TCERG1L: variants seen among roughly 807,000 people sequenced by gnomAD.
TCERG1L encodes the protein transcription elongation regulator 1-like protein.
TCERG1L carries 37 observed loss-of-function variants against 56.3 expected under a neutral mutation model. The ratio of observed to expected loss-of-function variants is 0.66; its 90% CI spans 0.51 to 0.87. TCERG1L has a LOEUF of 0.87. Ranked by LOEUF, TCERG1L falls within the 40% of genes least tolerant of loss-of-function variation. The probability of loss-of-function intolerance (pLI) is 0.00; values close to 1 mark genes in which losing one functional copy is unlikely to be tolerated. For missense variants in TCERG1L, 799 were observed against 774.2 expected, an observed-to-expected ratio of 1.03 and a Z score of -0.38; for synonymous variants, 324 against 326.3, an observed-to-expected ratio of 0.99 and a Z score of 0.08.
At chr10:131,175,851 A>C (rs1334104507) in intron 4 of TCERG1L, among the ~76,000 whole-genome samples, 1 of 152,192 alleles carries the variant, frequency 6.6e-6, no homozygotes, top group Admixed American at 6.5e-5. Context: ...AGAAACGAAG[A>C]CAGGGATTGA....
At chr10:131,228,071 T>A (rs2133505982) in intron 4 of TCERG1L, among the ~76,000 whole-genome samples, 1 of 151,974 alleles carries the variant, frequency 6.6e-6, no homozygotes, top group African/African-American at 2.4e-5. Flanking sequence ...CAGGGCTATG[T>A]TTCTGGACCT....
chr10:131,097,549 G>A (rs576197491), intron 11 of TCERG1L, among the ~76,000 whole-genome samples: 18 of 152,130 alleles, frequency 1.2e-4, no homozygotes, highest in South Asian at 4.2e-4. Context: ...GGGTTTCACC[G>A]TGTTAGCCAG....
At chr10:131,214,308 C>A (rs1049167736) in intron 4 of TCERG1L, among the ~76,000 whole-genome samples, 8 of 151,444 alleles carry the variant, frequency 5.3e-5, no homozygotes, top group Non-Finnish European at 1.0e-4. Context: ...CCCAGGGAGT[C>A]TGGATGGGCC....
At chr10:131,227,364 G>A (rs552641995) in intron 4 of TCERG1L, among the ~76,000 whole-genome samples, 3 of 152,348 alleles carry the variant, frequency 2.0e-5, no homozygotes, top group East Asian at 1.9e-4. Flanking sequence ...GGGTGGACAC[G>A]CGGTGTGGGC....
At chr10:131,289,130 T>C (rs1331613969) in intron 3 of TCERG1L, among the ~76,000 whole-genome samples, 2 of 145,080 alleles carry the variant, frequency 1.4e-5, no homozygotes, top group Non-Finnish European at 3.0e-5. Context: ...TGCTTCGCTA[T>C]AGTAAAAGTC....
At chr10:131,256,992 G>GGAAGGAAGGAAAGAAAAGAAAGAAAGAAA (rs1846173015) in intron 4 of TCERG1L, among the ~76,000 whole-genome samples, 1 of 59,170 alleles carries the variant, frequency 1.7e-5, no homozygotes, top group African/African-American at 5.5e-5. Context: ...AAGGAAGGAA[G>GGAAGGAAGGAAAGAAAAGAAAGAAAGAAA]GAAAGAAAGA....
At chr10:131,123,148 CTGA>C (rs1336423941) in intron 8 of TCERG1L, among the ~76,000 whole-genome samples, 8 of 152,194 alleles carry the variant, frequency 5.3e-5, no homozygotes, top group South Asian at 2.1e-4. Flanking sequence ...CACGCGGCTG[CTGA>C]TGTCTGCAGC....
At chr10:131,285,061 T>C (rs569511302) in intron 3 of TCERG1L, among the ~76,000 whole-genome samples, 24 of 152,166 alleles carry the variant, frequency 1.6e-4, no homozygotes, top group Non-Finnish European at 3.2e-4. Flanking sequence ...GCTTTCACAC[T>C]AAAGCCAGGT....
At chr10:131,291,527 T>C (rs936957718) in intron 3 of TCERG1L, among the ~76,000 whole-genome samples, 19 of 145,076 alleles carry the variant, frequency 1.3e-4, no homozygotes, top group East Asian at 1.1e-3. Context: ...CCCAGGTTCA[T>C]GCCATTCTCC....
At chr10:131,157,095 T>A (rs1220999773) in intron 6 of TCERG1L, among the ~76,000 whole-genome samples, 5 of 152,206 alleles carry the variant, frequency 3.3e-5, no homozygotes, top group African/African-American at 1.2e-4. Flanking sequence ...CTCATTTTGA[T>A]AATCCGCCCC....
At chr10:131,104,136 C>T (rs948354025) in intron 10 of TCERG1L, 129 bp downstream of exon 10, 11 of 623,854 alleles carry the variant, frequency 1.8e-5, no homozygotes, top group African/African-American at 1.5e-4. Context: ...TTCACAAGCT[C>T]GCAAGCCACT....
At chr10:131,211,771 C>T (rs1433460465) in intron 4 of TCERG1L, among the ~76,000 whole-genome samples, 2 of 152,210 alleles carry the variant, frequency 1.3e-5, no homozygotes, top group Middle Eastern at 3.2e-3. Context: ...AGCACCAGAG[C>T]ACCAGGCCTG....
Position 131,264,744 on chromosome 10 carries a change from C to T in TCERG1L, c.671-4300G>A, listed in dbSNP as rs141485473. On this transcript the variant is annotated intron_variant, in intron 3 of 11. Coordinates refer to ENST00000368642, the MANE Select transcript of TCERG1L (RefSeq NM_174937.4). ...CTCCAGGTGTCTCTGCTAAGACCTC[C>T]GTGTTGGCGGGGGAGGGCAAGAGCT... 8.5e-5 allele frequency among the ~76,000 whole-genome samples: 13 copies of T among 152,356 alleles called. No individual in the cohort carries two copies. In the East Asian group the frequency reaches 1.9e-3, roughly 23 times the overall value.
chr10:131,115,550 C>T (rs1465382702), intron 9 of TCERG1L, among the ~76,000 whole-genome samples: 7 of 152,066 alleles, frequency 4.6e-5, no homozygotes, highest in South Asian at 2.1e-4. Flanking sequence ...CCTCTCAGCA[C>T]GTGTGTTAAT....
chr10:131,093,129 CA>C lies in TCERG1L; in HGVS notation c.*32del, dbSNP rs1403451490. On this transcript the variant is annotated 3_prime_UTR_variant, in exon 12 of 12. Transcript: ENST00000368642. ...CCCTCGCCCCCGGCACGCCCAGGGT[CA>C]ACCCCCGGGCTTATTGCATTTTTTC... 6.2e-7 allele frequency: 1 copy of C among 1,604,408 alleles called. No homozygotes were observed. Among genetic ancestry groups the C allele is most frequent in the Non-Finnish European group, 8.5e-7 (1 of 1,174,894 alleles).
intron 7 of TCERG1L, among the ~76,000 whole-genome samples, chr10:131,141,390 C>T (rs1484082977): frequency 6.6e-6 from 1 of 151,848 alleles, no homozygotes; most frequent in Non-Finnish European, 1.5e-5. Flanking sequence ...GTGACCGTGC[C>T]TCAGGGAGAA....
intron 4 of TCERG1L, among the ~76,000 whole-genome samples, chr10:131,242,868 G>A (rs1845988615): frequency 6.6e-6 from 1 of 152,142 alleles, no homozygotes. Context: ...GGTGGTCCCT[G>A]TAAAAGCGAA....
At chr10:131,170,844 A>G (rs1456000710) in intron 4 of TCERG1L, among the ~76,000 whole-genome samples, 1 of 152,114 alleles carries the variant, frequency 6.6e-6, no homozygotes, top group Non-Finnish European at 1.5e-5. Context: ...GCAACAAAAT[A>G]TCTCTTTAAG....
In TCERG1L at chr10:131,260,594, C is replaced by T. The variant is rs377013809; in HGVS notation, c.671-150G>A. The T allele has an allele frequency of 6.0e-5, 61 of 1,015,796 alleles. No individual in the cohort carries two copies. Among genetic ancestry groups the T allele is most frequent in the Middle Eastern group, 7.0e-4 (2 of 2,868 alleles). The allele number at this position is 1,015,796 out of a possible 1,614,324, so 62.9% of individuals were successfully genotyped here. A position where few individuals can be genotyped will look rare whatever the true frequency, so the allele number is the denominator to read the frequency against. On this transcript the variant is annotated intron_variant, in intron 3 of 11. Transcript: ENST00000368642. This position sits in a 1 kb window ranked among gnomAD's most constrained non-coding sequence, Gnocchi z 5.8. ...AATGGAGGCCCACAGTATGTGCCAC[C>T]GTCCGCAGAACAAATGCTTCTGATG...
Sources: allele counts gnomAD v4.1 joint callset (sites outside exome capture counted in the v4.1 genomes callset), GRCh38; gene constraint gnomAD v4.1.1; non-coding constraint Gnocchi (gnomAD v3.1); transcripts MANE v1.5; gene names NCBI Gene and HGNC (gene_info 2026-07-23, HGNC 2026-07-21).